RFTN2: variants seen among roughly 807,000 people sequenced by gnomAD.
RFTN2 encodes raftlin family member 2, also known as raftlin-2.
RFTN2 carries 34 observed loss-of-function variants against 52.7 expected under a neutral mutation model. That is an observed-to-expected ratio of 0.64 (90% CI 0.49 to 0.86). The LOEUF (loss-of-function observed/expected upper bound fraction) is 0.86. Among genes scored for constraint, RFTN2 ranks in the 40% least tolerant of loss-of-function variants. The pLI is 0.00. For synonymous variants in RFTN2, 203 were observed against 217.7 expected (o/e 0.93, Z 0.59); for missense variants, 536 against 600.1 (o/e 0.89, Z 1.12).
Position 197,581,745 on chromosome 2 carries a change from A to G in RFTN2, c.1234-9465T>C, listed in dbSNP as rs563950220. ...AACACATGTGCTCTCCCTGCCGATC[A>G]TGTCCAACTGATCTCTCAAACCCCA... On this transcript the variant is annotated intron_variant, in intron 8 of 8. Coordinates refer to ENST00000295049, the MANE Select transcript of RFTN2 (RefSeq NM_144629.3). 2.1e-3 allele frequency among the ~76,000 whole-genome samples: 316 copies of G among 152,304 alleles called. 2 individuals are homozygous for G. The highest frequency in any genetic ancestry group is 3.5e-3 in the Non-Finnish European group (241 of 68,022).
intron 1 of RFTN2, 45 bp from the exon 2 acceptor site, chr2:197,646,711 G>T: frequency 7.0e-7 from 1 of 1,432,106 alleles, no homozygotes; most frequent in South Asian, 1.2e-5. Context: ...TCTTAAGATT[G>T]AATTATACAT....
chr2:197,629,139 C>A (rs543701951), intron 5 of RFTN2, among the ~76,000 whole-genome samples: 1 of 152,168 alleles, frequency 6.6e-6, no homozygotes, highest in Non-Finnish European at 1.5e-5. Flanking sequence ...TAAAGACACA[C>A]GTACACGTAT....
At chr2:197,630,280 A>T (rs2106230895) in intron 5 of RFTN2, among the ~76,000 whole-genome samples, 1 of 152,126 alleles carries the variant, frequency 6.6e-6, no homozygotes, top group African/African-American at 2.4e-5. Context: ...CTTTCCTCTA[A>T]CCTCATAGAT....
rs766286621 is a variant in RFTN2 at position 197,615,926 on chromosome 2, G to A, written c.1104C>T (p.Phe368=). Residue 368 remains phenylalanine (F), a synonymous_variant, in exon 7 of 9, where the codon TTC becomes TTT. Coordinates refer to ENST00000295049, the MANE Select transcript of RFTN2 (RefSeq NM_144629.3). ...GCAACACGCTTGTCAGAAGCCATCC[G>A]AATTCAGCCAGAGTGTGCAGCAGAG... ...YGPLLHTLAE[F]GWLLTSVLPT... 3.2e-6 allele frequency: 5 copies of A among 1,559,972 alleles called. No individual in the cohort carries two copies. The South Asian group carries it at 3.5e-5, about 11-fold the overall frequency.
chr2:197,612,552 T>C (rs1574706428), intron 7 of RFTN2, among the ~76,000 whole-genome samples: 1 of 152,246 alleles, frequency 6.6e-6, no homozygotes, highest in Non-Finnish European at 1.5e-5. Flanking sequence ...CTGTCAACTT[T>C]CACCTTGAAC....
At position 197,615,889 on chromosome 2, in the gene RFTN2, A is replaced by G. The variant is rs2106210333; in HGVS notation, c.1141T>C (p.Leu381=). The change falls in exon 7 of 9, where the codon TTG becomes CTG. Residue 381 remains leucine, a synonymous_variant. Coordinates refer to ENST00000295049, the MANE Select transcript of RFTN2 (RefSeq NM_144629.3). ...CTTTTGCCTTACCTGTCATGTCTCA[A>G]TACAGGTGTGGGCAACACGCTTGTC... The part of the protein sequence containing the change: ...LLTSVLPTPV[L]RHDSEGNLAT... 2 of 1,543,162 alleles carry G rather than the reference A, an allele frequency of 1.3e-6. No individual in the cohort carries two copies. The highest frequency in any genetic ancestry group is 1.8e-6 in the Non-Finnish European group (2 of 1,137,454).
intron 7 of RFTN2, among the ~76,000 whole-genome samples, chr2:197,596,708 G>T (rs529740250): frequency 6.6e-6 from 1 of 152,256 alleles, no homozygotes; most frequent in East Asian, 1.9e-4. Context: ...TATGATTTAA[G>T]CTTCTTGGTA....
At chr2:197,608,989 T>C (rs952660096) in intron 7 of RFTN2, among the ~76,000 whole-genome samples, 1 of 152,226 alleles carries the variant, frequency 6.6e-6, no homozygotes, top group Admixed American at 6.5e-5. Flanking sequence ...CTGCATAGCA[T>C]TGCATGGTGT....
intron 5 of RFTN2, among the ~76,000 whole-genome samples, chr2:197,619,675 C>T (rs1209529503): frequency 3.4e-5 from 5 of 149,048 alleles, no homozygotes; most frequent in South Asian, 4.3e-4. Flanking sequence ...GCTGACCTTC[C>T]CTCCACTATT....
intron 8 of RFTN2, chr2:197,587,904 A>G: frequency 4.5e-6 from 2 of 440,988 alleles, no homozygotes; most frequent in South Asian, 3.5e-5. Context: ...CCCTTATTCT[A>G]CAGAGGTGGG....
In RFTN2 at chr2:197,654,544, G is replaced by T. The variant is rs2088867303; in HGVS notation, c.140-7878C>A. Among the ~76,000 whole-genome samples, 3 of 152,312 alleles carry T rather than the reference G, an allele frequency of 2.0e-5. No homozygotes were observed. The South Asian group carries it at 6.2e-4, about 32-fold the overall frequency. On this transcript the variant is annotated intron_variant, in intron 1 of 8. Transcript: ENST00000295049. ...TTTAAGTGATCCAATGTTTAATTCTGTGTCTGTATATACAGCCGAAGAGCA... is the reference window on the plus strand; with the variant it reads ...TTTAAGTGATCCAATGTTTAATTCTTTGTCTGTATATACAGCCGAAGAGCA...
intron 7 of RFTN2, among the ~76,000 whole-genome samples, chr2:197,615,359 A>G (rs188526431): frequency 1.3e-5 from 2 of 152,382 alleles, no homozygotes; most frequent in African/African-American, 4.8e-5. Flanking sequence ...TCCCAGGAAT[A>G]GCAAAGCATT....
chr2:197,650,881 A>G (rs775229733), intron 1 of RFTN2, among the ~76,000 whole-genome samples: 11 of 152,324 alleles, frequency 7.2e-5, no homozygotes, highest in Non-Finnish European at 1.3e-4. Flanking sequence ...GTTTTCTATG[A>G]TGGCTGAACT....
At chr2:197,646,368 T>C (rs1458380459) in intron 2 of RFTN2, 115 bp downstream of exon 2, 4 of 762,558 alleles carry the variant, frequency 5.2e-6, no homozygotes, top group Non-Finnish European at 8.4e-6. Flanking sequence ...AAATGTGCTT[T>C]AAACTAAAAC....
At position 197,571,890 on chromosome 2, in the gene RFTN2, G is replaced by A; in HGVS notation, c.*118C>T. ...AAAGTTTACATAGATTAGAGGAAAG[G>A]CTGGGTCTGGAAAAATTCAAAAATA... On this transcript the variant is annotated 3_prime_UTR_variant, in exon 9 of 9. Coordinates refer to ENST00000295049, the MANE Select transcript of RFTN2 (RefSeq NM_144629.3). 4.0e-6 allele frequency: 4 copies of A among 995,314 alleles called. No individual in the cohort carries two copies. The highest frequency in any genetic ancestry group is 6.0e-6 in the Non-Finnish European group (4 of 671,146). The allele number at this position is 995,314 out of a possible 1,614,324, so 61.7% of individuals were successfully genotyped here. A position where few individuals can be genotyped will look rare whatever the true frequency, so the allele number is the denominator to read the frequency against.
intron 2 of RFTN2, among the ~76,000 whole-genome samples, chr2:197,644,995 C>T (rs1323756057): frequency 1.3e-5 from 2 of 152,082 alleles, no homozygotes; most frequent in Non-Finnish European, 2.9e-5. Context: ...TAGTTTTCCT[C>T]TACTTTCATT....
chr2:197,637,099 C>T (rs1308852573), intron 3 of RFTN2, among the ~76,000 whole-genome samples: 3 of 150,074 alleles, frequency 2.0e-5, no homozygotes, highest in Non-Finnish European at 4.5e-5. Context: ...CCCACTTGAT[C>T]ATGGTGGATA....
intron 3 of RFTN2, among the ~76,000 whole-genome samples, chr2:197,640,427 T>G (rs1241303158): frequency 6.6e-6 from 1 of 152,238 alleles, no homozygotes; most frequent in South Asian, 2.1e-4. Context: ...GTGCCGGATA[T>G]AATCTCGTGG....
chr2:197,661,164 A>G (rs2088971391), intron 1 of RFTN2, among the ~76,000 whole-genome samples: 1 of 151,954 alleles, frequency 6.6e-6, no homozygotes, highest in East Asian at 1.9e-4. Flanking sequence ...TGCCTGGATT[A>G]TTTCACTTAA....
Sources: allele counts gnomAD v4.1 joint callset (sites outside exome capture counted in the v4.1 genomes callset), GRCh38; gene constraint gnomAD v4.1.1; transcripts MANE v1.5; gene names NCBI Gene and HGNC (gene_info 2026-07-23, HGNC 2026-07-21).